The following CMYA5 variants were observed in gnomAD, a reference collection of about 807,000 sequenced individuals.
CMYA5 encodes cardiomyopathy associated 5, also known as cardiomyopathy-associated protein 5.
CMYA5 carries 246 observed loss-of-function variants against 318.9 expected under a neutral mutation model. The observed-to-expected ratio is 0.77, with a 90% CI of 0.70 to 0.86. The LOEUF (loss-of-function observed/expected upper bound fraction) is 0.86. Among genes scored for constraint, CMYA5 ranks in the 40% least tolerant of loss-of-function variants. The pLI is 0.00. For synonymous variants in CMYA5, 1,641 were observed against 1,729.5 expected (o/e 0.95, Z 1.27); for missense variants, 4,589 against 4,678.2 (o/e 0.98, Z 0.56).
At position 79,739,097 on chromosome 5, in the gene CMYA5, A is replaced by T; in HGVS notation, c.10332A>T (p.Glu3444Asp). 1.9e-6 allele frequency: 3 copies of T among 1,613,886 alleles called. No individual in the cohort carries two copies. Among genetic ancestry groups the T allele is most frequent in the Non-Finnish European group, 2.5e-6 (3 of 1,179,790 alleles). ...TATTATCAGAAGAACTGTCTTCAGA[A>T]TCCACACCTGAAGATGTCTTATCTC... is the stretch of plus-strand genomic sequence containing the variant. ...QDILSEELSS[E>D]STPEDVLSQG... Residue 3444 changes from glutamate to aspartate, a missense_variant, in exon 2 of 13, where the codon GAA becomes GAT. Physicochemically the swap from Glu to Asp is conservative, Grantham distance 45 (BLOSUM62 2). Around this residue, in one of 3 missense-constraint regions of CMYA5, gnomAD observed 2,431 missense variants for 2,495.1 expected, o/e 0.97. Coordinates refer to ENST00000446378, the MANE Select transcript of CMYA5 (RefSeq NM_153610.5).
At chr5:79,707,847 C>A (rs966596135) in intron 1 of CMYA5, among the ~76,000 whole-genome samples, 1 of 152,166 alleles carries the variant, frequency 6.6e-6, no homozygotes, top group Non-Finnish European at 1.5e-5. Context: ...TTAGAAATAA[C>A]AGAACTTTAT....
chr5:79,790,559 T>G (rs558394390), intron 10 of CMYA5, among the ~76,000 whole-genome samples: 48 of 152,268 alleles, frequency 3.2e-4, no homozygotes, highest in Non-Finnish European at 5.6e-4. Context: ...GTGAGCCACC[T>G]CACCCGGCCT....
rs757564083 is a variant in CMYA5 at position 79,738,036 on chromosome 5, A to C, written c.9271A>C (p.Ile3091Leu). The change falls in exon 2 of 13, where the codon ATC (isoleucine) becomes CTC (leucine). Residue 3091 changes from isoleucine (I) to leucine (L), a missense_variant. Ile to Leu is a conservative substitution (Grantham distance 5). Around this residue, in one of 3 missense-constraint regions of CMYA5, gnomAD observed 2,431 missense variants for 2,495.1 expected, o/e 0.97. Coordinates refer to ENST00000446378, the MANE Select transcript of CMYA5 (RefSeq NM_153610.5). ...KLSKEVTEETISFPVSSVESA... is the reference protein window; with the variant it reads ...KLSKEVTEETLSFPVSSVESA... ...CTCAAAGGAAGTTACAGAAGAAACTATCTCTTTCCCAGTAAGTTCAGTGGA... is the reference window on the plus strand; with the variant it reads ...CTCAAAGGAAGTTACAGAAGAAACTCTCTCTTTCCCAGTAAGTTCAGTGGA... 1.9e-6 allele frequency: 3 copies of C among 1,613,326 alleles called. No homozygotes were observed. Among genetic ancestry groups the C allele is most frequent in the Non-Finnish European group, 2.5e-6 (3 of 1,179,698 alleles).
At chr5:79,722,533 C>G (rs934425680) in intron 1 of CMYA5, among the ~76,000 whole-genome samples, 2 of 152,008 alleles carry the variant, frequency 1.3e-5, no homozygotes, top group Non-Finnish European at 2.9e-5. Context: ...AAAAAATTGG[C>G]TGGCATGGCG....
chr5:79,784,885 G>A (rs1041479981), intron 9 of CMYA5, among the ~76,000 whole-genome samples: 1 of 151,834 alleles, frequency 6.6e-6, no homozygotes, highest in Non-Finnish European at 1.5e-5. Flanking sequence ...CTTCTGCGTC[G>A]CTCACGCTGG....
At chr5:79,753,925 T>C (rs1350888448) in intron 6 of CMYA5, among the ~76,000 whole-genome samples, 1 of 152,226 alleles carries the variant, frequency 6.6e-6, no homozygotes, top group Non-Finnish European at 1.5e-5. Flanking sequence ...ACAGAGCTGG[T>C]CTTTTGCTTT....
chr5:79,731,106 T>C lies in CMYA5; in HGVS notation c.2341T>C (p.Ser781Pro), dbSNP rs377352550. The change falls in exon 2 of 13, where the codon TCA (serine) becomes CCA (proline). Residue 781 changes from serine (S) to proline (P), a missense_variant. Physicochemically the swap from Ser to Pro is moderately conservative, Grantham distance 74 (BLOSUM62 -1). Coordinates refer to ENST00000446378, the MANE Select transcript of CMYA5 (RefSeq NM_153610.5). ...STATSEHVVP[S>P]EGEDLGSERF... is the part of the protein sequence containing the mutation. ...TGCCACATCAGAACACGTGGTCCCA[T>C]CAGAAGGAGAGGACCTAGGAAGTGA... The C allele has an allele frequency of 6.2e-7, 1 of 1,613,858 alleles. No homozygotes were observed. Among genetic ancestry groups the C allele is most frequent in the Non-Finnish European group, 8.5e-7 (1 of 1,179,900 alleles).
In CMYA5 at chr5:79,731,800, G is replaced by C. The variant is rs1387530232; in HGVS notation, c.3035G>C (p.Arg1012Thr). The C allele has an allele frequency of 6.2e-7, 1 of 1,612,886 alleles. No individual in the cohort carries two copies. Among genetic ancestry groups the C allele is most frequent in the Admixed American group, 1.7e-5 (1 of 59,858 alleles). ...TCACAAGTTTCAATCCCTCCCTTTAGAATCTCAGAAACAGAGAAAAATGAA... is the reference window on the plus strand; with the variant it reads ...TCACAAGTTTCAATCCCTCCCTTTACAATCTCAGAAACAGAGAAAAATGAA... ...SASQVSIPPF[R>T]ISETEKNELE... Residue 1012 changes from arginine to threonine, a missense_variant, in exon 2 of 13, where the codon AGA becomes ACA. This residue lies in a region of CMYA5 where 2,132 missense variants were observed against 2,131.3 expected (regional missense o/e 1.00). Coordinates refer to ENST00000446378, the MANE Select transcript of CMYA5 (RefSeq NM_153610.5).
chr5:79,718,863 C>T (rs1827567991), intron 1 of CMYA5, among the ~76,000 whole-genome samples: 3 of 152,146 alleles, frequency 2.0e-5, no homozygotes, highest in South Asian at 2.1e-4. Context: ...GTATTCAGTA[C>T]AGTAACATGC....
At chr5:79,778,757 A>G (rs1828991181) in intron 9 of CMYA5, among the ~76,000 whole-genome samples, 1 of 147,334 alleles carries the variant, frequency 6.8e-6, no homozygotes, top group Non-Finnish European at 1.5e-5. Flanking sequence ...ATAGCTTTTA[A>G]CTTGGGTAGC....
At chr5:79,742,759 T>TGAA (rs1433870336) in intron 2 of CMYA5, among the ~76,000 whole-genome samples, 2 of 123,288 alleles carry the variant, frequency 1.6e-5, no homozygotes, top group Non-Finnish European at 3.5e-5. Context: ...TCATTGAGAG[T>TGAA]GAAAAAAAAA....
At chr5:79,747,451 G>A (rs746187957) in intron 5 of CMYA5, among the ~76,000 whole-genome samples, 2 of 152,178 alleles carry the variant, frequency 1.3e-5, no homozygotes, top group Non-Finnish European at 2.9e-5. Flanking sequence ...ATGAGTATTT[G>A]AAAGAATCAT....
chr5:79,720,334 C>A (rs1188965261), intron 1 of CMYA5, among the ~76,000 whole-genome samples: 2 of 151,704 alleles, frequency 1.3e-5, no homozygotes, highest in East Asian at 3.9e-4. Flanking sequence ...GTGACAGTTA[C>A]ACTGACAGCC....
At chr5:79,791,542 G>A (rs139461192) in intron 11 of CMYA5, among the ~76,000 whole-genome samples, 5,521 of 152,068 alleles carry the variant, frequency 0.036, 275 homozygotes, top group African/African-American at 0.11. Flanking sequence ...CCAACATGGT[G>A]AGACTCCATC....
chr5:79,776,637 G>A (rs1024771014), intron 9 of CMYA5, among the ~76,000 whole-genome samples: 2 of 152,138 alleles, frequency 1.3e-5, no homozygotes, highest in Admixed American at 6.5e-5. Flanking sequence ...AATATGCCCA[G>A]GCAGGCTTGG....
At chr5:79,771,121 C>T (rs1580799022) in intron 9 of CMYA5, among the ~76,000 whole-genome samples, 2 of 150,948 alleles carry the variant, frequency 1.3e-5, no homozygotes, top group African/African-American at 4.9e-5. Context: ...ATGTGCCAAT[C>T]ACTAGCCCAA....
At chr5:79,745,553 T>C (rs1175235534) in intron 4 of CMYA5, 98 bp downstream of exon 4, 3 of 790,068 alleles carry the variant, frequency 3.8e-6, no homozygotes, top group South Asian at 3.4e-5. Context: ...ATTATTTATA[T>C]CTCTGTGTGG....
Position 79,799,861 on chromosome 5 carries a change from T to TCGGCG in CMYA5, c.*245_*246insCGGCG. ...TTTAGTTTATATAAGTTTGAGTTCT[T>TCGGCG]TCCTAAATTAAAAGATCTACACTTG... On this transcript the variant is annotated 3_prime_UTR_variant, in exon 13 of 13. Transcript: ENST00000446378. 1 of 206,708 alleles carries TCGGCG rather than the reference T, an allele frequency of 4.8e-6. No individual in the cohort carries two copies. Among genetic ancestry groups the TCGGCG allele is most frequent in the Non-Finnish European group, 8.8e-6 (1 of 113,890 alleles). 12.8% of individuals were successfully genotyped at this position (206,708 alleles called of 1,614,324 possible).
chr5:79,738,801 C>T lies in CMYA5; in HGVS notation c.10036C>T (p.His3346Tyr), dbSNP rs1344725943. 9 of 1,613,724 alleles carry T rather than the reference C, an allele frequency of 5.6e-6. No individual in the cohort carries two copies. The highest frequency in any genetic ancestry group is 1.6e-4 in the Middle Eastern group (1 of 6,080). Reference protein sequence around the residue: ...ISYAVPFEDTHHVLERADEAG... With the variant: ...ISYAVPFEDTYHVLERADEAG... ...TTATGCGGTTCCATTTGAAGACACC[C>T]ATCATGTTCTGGAGCGTGCAGATGA... The change falls in exon 2 of 13, where the codon CAT (histidine) becomes TAT (tyrosine). Residue 3346 changes from histidine to tyrosine, a missense_variant. His to Tyr is a moderately conservative substitution (Grantham distance 83). Around this residue, in one of 3 missense-constraint regions of CMYA5, gnomAD observed 2,431 missense variants for 2,495.1 expected, o/e 0.97. Transcript: ENST00000446378.
Sources: allele counts gnomAD v4.1 joint callset (sites outside exome capture counted in the v4.1 genomes callset), GRCh38; gene constraint gnomAD v4.1.1; regional missense constraint gnomAD v4.1.1; transcripts MANE v1.5; gene names NCBI Gene and HGNC (gene_info 2026-07-23, HGNC 2026-07-21).